The following PTPRD variants were observed in gnomAD, a reference collection of about 807,000 sequenced individuals.
The protein encoded by PTPRD is receptor-type tyrosine-protein phosphatase delta.
Under a neutral mutation model 214.5 loss-of-function variants are expected in PTPRD, and 34 were observed. The observed-to-expected ratio is 0.16, with a 90% CI of 0.12 to 0.21. The LOEUF (loss-of-function observed/expected upper bound fraction) is 0.21, where lower values mean the gene tolerates loss of function less well. PTPRD is among the 10% of genes least tolerant of loss of function. PTPRD has a pLI of 1.00. For missense variants in PTPRD, 2,545 were observed against 2,398.7 expected (o/e 1.06, Z -1.27); for synonymous variants, 1,128 against 845.7 (o/e 1.33, Z -5.79).
intron 9 of PTPRD, among the ~76,000 whole-genome samples, chr9:9,395,359 C>T (rs1449153944): frequency 6.6e-6 from 1 of 152,068 alleles, no homozygotes; most frequent in Non-Finnish European, 1.5e-5. Context: ...GCTGAAGCAT[C>T]AAAGTTTAGA....
intron 10 of PTPRD, among the ~76,000 whole-genome samples, chr9:9,175,361 G>A (rs577280302): frequency 3.5e-4 from 53 of 152,038 alleles, no homozygotes; most frequent in Non-Finnish European, 6.3e-4. Context: ...GGTGGCTCAC[G>A]CTTGTAATCC....
chr9:9,655,984 A>G (rs1369490861), intron 7 of PTPRD, among the ~76,000 whole-genome samples: 2 of 152,256 alleles, frequency 1.3e-5, no homozygotes, highest in Non-Finnish European at 2.9e-5. Context: ...TCTCAAAAAA[A>G]TAAAATGAAT....
At chr9:10,232,545 T>C (rs1173098171) in intron 3 of PTPRD, among the ~76,000 whole-genome samples, 1 of 151,958 alleles carries the variant, frequency 6.6e-6, no homozygotes, top group Admixed American at 6.6e-5. Context: ...GTTTGCAAAA[T>C]GTGCTTCCAG....
chr9:9,205,966 G>T lies in PTPRD; in HGVS notation c.-202-22603C>A, dbSNP rs1250334376. ...TGGGATGTAGTGAGTATAGCAGAGGGTGGGGTTATTTTATCTTGGGTTTTA... is the reference window on the plus strand; with the variant it reads ...TGGGATGTAGTGAGTATAGCAGAGGTTGGGGTTATTTTATCTTGGGTTTTA... On this transcript the variant is annotated intron_variant, in intron 9 of 45. Transcript: ENST00000381196. Among the ~76,000 whole-genome samples the T allele has an allele frequency of 2.0e-5, 3 of 152,192 alleles. No individual in the cohort carries two copies. In the South Asian group the frequency reaches 6.2e-4, roughly 32 times the overall value.
At chr9:8,940,993 G>A (rs925226343) in intron 11 of PTPRD, among the ~76,000 whole-genome samples, 5 of 152,040 alleles carry the variant, frequency 3.3e-5, no homozygotes, top group East Asian at 1.9e-4. Flanking sequence ...TAAAGGCATG[G>A]CTTCCATCTT....
At chr9:8,491,760 G>A (rs1031776952) in intron 27 of PTPRD, among the ~76,000 whole-genome samples, 5 of 151,922 alleles carry the variant, frequency 3.3e-5, no homozygotes, top group African/African-American at 4.8e-5. Context: ...GGATGCGAGC[G>A]AGGCAAATCT....
At chr9:9,956,804 T>C (rs1435084375) in intron 4 of PTPRD, among the ~76,000 whole-genome samples, 1 of 152,170 alleles carries the variant, frequency 6.6e-6, no homozygotes, top group Non-Finnish European at 1.5e-5. Context: ...TTTCTAGCAC[T>C]GAAGAATCTA....
In PTPRD at chr9:9,583,574, A is replaced by T. The variant is rs561438936; in HGVS notation, c.-286-8793T>A. Among the ~76,000 whole-genome samples the T allele has an allele frequency of 2.8e-4, 42 of 152,206 alleles. 1 individual carries two copies. The South Asian group carries it at 8.7e-3, about 32-fold the overall frequency. Reference sequence around the variant, plus strand: ...TCATAAAGTTGCCTTGTTATAGATAACTACGCATTTAAGAAGAAATTAAAA... The same window carrying T: ...TCATAAAGTTGCCTTGTTATAGATATCTACGCATTTAAGAAGAAATTAAAA... On this transcript the variant is annotated intron_variant, in intron 7 of 45. Transcript: ENST00000381196.
At position 8,554,995 on chromosome 9, in the gene PTPRD, A is replaced by G. The variant is rs546073046; in HGVS notation, c.353-26216T>C. 5.6e-3 allele frequency among the ~76,000 whole-genome samples: 846 copies of G among 152,306 alleles called. 7 individuals carry two copies. The highest frequency in any genetic ancestry group is 0.02 in the African/African-American group (821 of 41,558). On this transcript the variant is annotated intron_variant, in intron 14 of 45. Transcript: ENST00000381196. The stretch of plus-strand genomic sequence containing the variant: ...CCAATTATGTATATATACACTATAT[A>G]TATAAAAAATTGTTCCTCCAGATAC...
chr9:8,581,760 A>C (rs1264278720), intron 14 of PTPRD, among the ~76,000 whole-genome samples: 1 of 146,568 alleles, frequency 6.8e-6, no homozygotes, highest in Non-Finnish European at 1.5e-5. Flanking sequence ...ATAAATAAAT[A>C]AAAGAAAGGG....
chr9:10,069,722 A>G (rs1212662241), intron 3 of PTPRD, among the ~76,000 whole-genome samples: 1 of 152,030 alleles, frequency 6.6e-6, no homozygotes, highest in African/African-American at 2.4e-5. Flanking sequence ...TCATATTCTT[A>G]GTTTTAGGGA....
chr9:8,465,265 C>A (rs12237214), intron 32 of PTPRD, among the ~76,000 whole-genome samples: 5 of 152,016 alleles, frequency 3.3e-5, no homozygotes, highest in Admixed American at 3.3e-4. Flanking sequence ...TTTCCTTCAT[C>A]AGAGACATAG....
At chr9:9,534,429 C>T (rs937401279) in intron 8 of PTPRD, among the ~76,000 whole-genome samples, 1 of 151,888 alleles carries the variant, frequency 6.6e-6, no homozygotes, top group African/African-American at 2.4e-5. Context: ...TGCCTAAAAG[C>T]ACAATTGGGA....
chr9:9,889,134 G>A (rs1363656727), intron 5 of PTPRD, among the ~76,000 whole-genome samples: 1 of 152,084 alleles, frequency 6.6e-6, no homozygotes, highest in Non-Finnish European at 1.5e-5. Context: ...GGTGGTGGAG[G>A]AAGTTGGGGA....
chr9:9,095,881 C>T (rs753414163), intron 10 of PTPRD, among the ~76,000 whole-genome samples: 3 of 151,982 alleles, frequency 2.0e-5, no homozygotes, highest in Non-Finnish European at 4.4e-5. Context: ...GATTAAAAAC[C>T]CCTGTGGTAC....
intron 9 of PTPRD, among the ~76,000 whole-genome samples, chr9:9,236,100 C>G (rs2099966509): frequency 6.6e-6 from 1 of 151,926 alleles, no homozygotes; most frequent in Non-Finnish European, 1.5e-5. Flanking sequence ...CCTGCCTCTA[C>G]CAAAAATACA....
At chr9:10,482,370 C>CAATAAATA (rs957754910) in intron 2 of PTPRD, among the ~76,000 whole-genome samples, 2 of 151,398 alleles carry the variant, frequency 1.3e-5, no homozygotes, top group Admixed American at 6.6e-5. Context: ...GACTCCGTTT[C>CAATAAATA]AATAAATAAA....
chr9:8,979,076 A>G (rs2099289764), intron 11 of PTPRD, among the ~76,000 whole-genome samples: 1 of 152,152 alleles, frequency 6.6e-6, no homozygotes, highest in South Asian at 2.1e-4. Context: ...CATTTCTTGT[A>G]TGTTTCTTTT....
chr9:8,853,437 T>C (rs1320761784), intron 11 of PTPRD, among the ~76,000 whole-genome samples: 3 of 152,194 alleles, frequency 2.0e-5, no homozygotes, highest in Non-Finnish European at 2.9e-5. Context: ...GGAGAGAATT[T>C]GGACACTTTG....
Sources: allele counts gnomAD v4.1 joint callset (sites outside exome capture counted in the v4.1 genomes callset), GRCh38; gene constraint gnomAD v4.1.1; transcripts MANE v1.5; gene names NCBI Gene and HGNC (gene_info 2026-07-23, HGNC 2026-07-21).